UBXN2A: variants seen among roughly 807,000 people sequenced by gnomAD.
UBXN2A encodes UBX domain-containing protein 2A.
In UBXN2A, 28 loss-of-function variants were observed where a neutral mutation model predicts 28.4. The observed-to-expected ratio is 0.99, with a 90% confidence interval of 0.73 to 1.35. UBXN2A has a LOEUF of 1.35. Among genes scored for constraint, UBXN2A ranks in the 40% most tolerant of loss-of-function variants. The probability of loss-of-function intolerance (pLI) is 0.00; values close to 1 mark genes in which losing one functional copy is unlikely to be tolerated. For synonymous variants in UBXN2A, 97 were observed against 103.6 expected (o/e 0.94, Z 0.39); for missense variants, 253 against 297.9 (o/e 0.85, Z 1.11).
At chr2:23,928,195 AAGAG>A (rs1291514539) in intron 1 of UBXN2A, among the ~76,000 whole-genome samples, 16 of 151,360 alleles carry the variant, frequency 1.1e-4, no homozygotes, top group South Asian at 6.3e-4. Flanking sequence ...AAAAAGAAGA[AAGAG>A]AGAGAGAAAG....
intron 1 of UBXN2A, 111 bp from the exon 2 acceptor site, chr2:23,958,190 G>T: frequency 4.7e-6 from 3 of 639,032 alleles, no homozygotes; most frequent in South Asian, 7.5e-5. Flanking sequence ...CTTTGAGTTT[G>T]CTCACTTTTT....
chr2:23,981,526 A>C (rs1012260664), intron 4 of UBXN2A, among the ~76,000 whole-genome samples: 1 of 148,662 alleles, frequency 6.7e-6, no homozygotes, highest in Non-Finnish European at 1.5e-5. Flanking sequence ...TGCAGAAATC[A>C]TAAATATATA....
intron 4 of UBXN2A, among the ~76,000 whole-genome samples, chr2:23,979,199 C>G (rs1707796037): frequency 6.6e-6 from 1 of 151,794 alleles, no homozygotes; most frequent in African/African-American, 2.4e-5. Context: ...CAAAAATTAG[C>G]CGGGCATGGT....
chr2:23,993,310 C>T (rs1005359075), intron 6 of UBXN2A, among the ~76,000 whole-genome samples: 5 of 152,088 alleles, frequency 3.3e-5, no homozygotes, highest in African/African-American at 9.7e-5. Flanking sequence ...CAATGAAACA[C>T]GTAGCTTTTT....
At chr2:23,978,643 C>CA (rs1167982156) in intron 4 of UBXN2A, among the ~76,000 whole-genome samples, 81 of 134,580 alleles carry the variant, frequency 6.0e-4, no homozygotes, top group Admixed American at 2.2e-3. Flanking sequence ...GACTCCGTCT[C>CA]AAAAAAAAAA....
chr2:23,928,364 T>C (rs2150776154), intron 1 of UBXN2A, among the ~76,000 whole-genome samples: 1 of 152,178 alleles, frequency 6.6e-6, no homozygotes, highest in Non-Finnish European at 1.5e-5. Flanking sequence ...TCACTTGAGG[T>C]CAGGAGTTCG....
chr2:23,942,362 T>G (rs1288544232), intron 1 of UBXN2A, among the ~76,000 whole-genome samples: 1 of 146,878 alleles, frequency 6.8e-6, no homozygotes, highest in Admixed American at 6.9e-5. Flanking sequence ...AGTTGTTGTG[T>G]GGAAAGCAAA....
intron 2 of UBXN2A, among the ~76,000 whole-genome samples, chr2:23,968,652 G>GACA (rs1484692451): frequency 6.7e-6 from 1 of 148,784 alleles, no homozygotes; most frequent in Non-Finnish European, 1.5e-5. Flanking sequence ...CAGCCTGGGG[G>GACA]ACAGAGTGAG....
intron 1 of UBXN2A, among the ~76,000 whole-genome samples, chr2:23,932,411 G>A (rs971734706): frequency 2.0e-5 from 3 of 151,882 alleles, no homozygotes; most frequent in Non-Finnish European, 4.4e-5. Context: ...CAAACATCCC[G>A]CAAAATCCTG....
At chr2:23,985,601 A>ATTT (rs1708092950) in intron 6 of UBXN2A, among the ~76,000 whole-genome samples, 1 of 81,856 alleles carries the variant, frequency 1.2e-5, no homozygotes, top group African/African-American at 3.8e-5. Flanking sequence ...ATGTCTAGAC[A>ATTT]GTTTTTTTTT....
At chr2:23,967,918 T>G (rs1270133186) in intron 2 of UBXN2A, among the ~76,000 whole-genome samples, 1 of 152,002 alleles carries the variant, frequency 6.6e-6, no homozygotes, top group Non-Finnish European at 1.5e-5. Flanking sequence ...TTAGTAACAA[T>G]ATAGTGATGG....
intron 1 of UBXN2A, among the ~76,000 whole-genome samples, chr2:23,954,811 G>A (rs2150826366): frequency 6.7e-6 from 1 of 148,618 alleles, no homozygotes; most frequent in African/African-American, 2.5e-5. Context: ...AGGCTGGAGT[G>A]TGGTGACATG....
intron 3 of UBXN2A, 118 bp from the exon 4 acceptor site, chr2:23,976,851 G>T: frequency 1.4e-6 from 1 of 728,352 alleles, no homozygotes. Flanking sequence ...GAAGTGCTGG[G>T]ATTACAGGAG....
intron 6 of UBXN2A, among the ~76,000 whole-genome samples, chr2:23,998,827 T>C (rs1708641385): frequency 1.3e-5 from 2 of 152,148 alleles, no homozygotes. Flanking sequence ...TCTCCCGCGA[T>C]CAACCTTCGT....
At chr2:23,950,484 A>C (rs1389334905) in intron 1 of UBXN2A, among the ~76,000 whole-genome samples, 1 of 151,660 alleles carries the variant, frequency 6.6e-6, no homozygotes, top group East Asian at 1.9e-4. Flanking sequence ...GCTCACTGCG[A>C]CCTCCGACTC....
chr2:23,979,462 T>C (rs1707808040), intron 4 of UBXN2A, among the ~76,000 whole-genome samples: 1 of 152,260 alleles, frequency 6.6e-6, no homozygotes, highest in Admixed American at 6.5e-5. Context: ...ATATACTATG[T>C]GTACATTTAT....
intron 1 of UBXN2A, among the ~76,000 whole-genome samples, chr2:23,931,239 G>A (rs964857856): frequency 6.6e-6 from 1 of 152,040 alleles, no homozygotes; most frequent in Non-Finnish European, 1.5e-5. Context: ...TTGAGGCCAG[G>A]AGTTCAAGAT....
chr2:23,946,930 C>G (rs1706116149), intron 1 of UBXN2A, among the ~76,000 whole-genome samples: 1 of 148,532 alleles, frequency 6.7e-6, no homozygotes, highest in Non-Finnish European at 1.5e-5. Context: ...CACTCTTACC[C>G]AGGCTGAAAT....
intron 1 of UBXN2A, among the ~76,000 whole-genome samples, chr2:23,955,917 T>C (rs1458837423): frequency 2.6e-5 from 4 of 152,222 alleles, no homozygotes; most frequent in Non-Finnish European, 5.9e-5. Flanking sequence ...CAGGCTGGAG[T>C]GCTGCGACGC....
Sources: allele counts gnomAD v4.1 joint callset (sites outside exome capture counted in the v4.1 genomes callset), GRCh38; gene constraint gnomAD v4.1.1; transcripts MANE v1.5; gene names NCBI Gene and HGNC (gene_info 2026-07-23, HGNC 2026-07-21).